PCMT1: variants seen among roughly 807,000 people sequenced by gnomAD.
PCMT1 encodes the protein protein-L-isoaspartate(D-aspartate) O-methyltransferase.
Under a neutral mutation model 29.2 loss-of-function variants are expected in PCMT1, and 9 were observed. That is an observed-to-expected ratio of 0.31 (90% CI 0.19 to 0.54). PCMT1 has a LOEUF of 0.54. Among genes scored for constraint, PCMT1 ranks in the 20% least tolerant of loss-of-function variants. The pLI is 0.95. For missense variants in PCMT1, 184 were observed against 282.2 expected (o/e 0.65, Z 2.49); for synonymous variants, 98 against 97.5 (o/e 1.00, Z -0.03).
chr6:149,783,193 C>T (rs1243203049), intron 3 of PCMT1, among the ~76,000 whole-genome samples: 6 of 151,904 alleles, frequency 3.9e-5, no homozygotes, highest in African/African-American at 1.4e-4. Flanking sequence ...GATGCAGTGG[C>T]GTGATCTTGG....
intron 3 of PCMT1, among the ~76,000 whole-genome samples, chr6:149,788,155 G>A (rs930504990): frequency 6.6e-6 from 1 of 151,412 alleles, no homozygotes; most frequent in Non-Finnish European, 1.5e-5. Context: ...CTGACCTCGT[G>A]ATCCGCCTCG....
chr6:149,766,853 A>G (rs1182127516), intron 1 of PCMT1, among the ~76,000 whole-genome samples: 1 of 152,122 alleles, frequency 6.6e-6, no homozygotes, highest in African/African-American at 2.4e-5. Context: ...CTTTTCTAGA[A>G]TGTGTTAAAA....
Position 149,781,269 on chromosome 6 carries a change from C to T in PCMT1, c.192+8100C>T, listed in dbSNP as rs370243773. ...TGAGACAGAGTCTCGCTCTGTCACC[C>T]GGGCTGGAGTGCAGTGGTGCCATCT... On this transcript the variant is annotated intron_variant, in intron 3 of 7. Coordinates refer to ENST00000464889, the MANE Select transcript of PCMT1 (RefSeq NM_001360452.2). Among the ~76,000 whole-genome samples, 95 of 150,182 alleles carry T rather than the reference C, an allele frequency of 6.3e-4. 3 individuals are homozygous for T. In the East Asian group the frequency reaches 0.017, roughly 27 times the overall value.
chr6:149,810,555 T>A, intron 7 of PCMT1, 61 bp from the exon 8 acceptor site: 1 of 1,342,632 alleles, frequency 7.4e-7, no homozygotes, highest in Non-Finnish European at 1.0e-6. Flanking sequence ...TAAACTATTA[T>A]AAAGCCAAAT....
chr6:149,809,162 G>A (rs1323258775), intron 7 of PCMT1, among the ~76,000 whole-genome samples: 2 of 147,260 alleles, frequency 1.4e-5, no homozygotes, highest in African/African-American at 5.1e-5. Context: ...GGGAGGCTGA[G>A]GCAGGAGAAT....
chr6:149,764,749 T>TA (rs1786999684), intron 1 of PCMT1, among the ~76,000 whole-genome samples: 1 of 151,300 alleles, frequency 6.6e-6, no homozygotes, highest in African/African-American at 2.4e-5. Context: ...CTTTAAAAAT[T>TA]AAAAAATGGG....
intron 7 of PCMT1, among the ~76,000 whole-genome samples, chr6:149,809,312 C>G (rs1008472906): frequency 7.1e-6 from 1 of 140,744 alleles, no homozygotes; most frequent in Non-Finnish European, 1.5e-5. Flanking sequence ...ATCTTCAGTT[C>G]ATATTCTAAA....
chr6:149,763,315 A>G (rs1285816457), intron 1 of PCMT1, among the ~76,000 whole-genome samples: 1 of 148,248 alleles, frequency 6.7e-6, no homozygotes, highest in Non-Finnish European at 1.5e-5. Context: ...TGATATATAT[A>G]TCATAGATTA....
At chr6:149,802,151 A>G (rs1775846756) in intron 6 of PCMT1, 49 bp from the exon 7 acceptor site, 1 of 1,325,954 alleles carries the variant, frequency 7.5e-7, no homozygotes, top group African/African-American at 1.5e-5. Context: ...ATAAAATAAA[A>G]TAAAATCTGT....
At chr6:149,758,592 A>C (rs1047383172) in intron 1 of PCMT1, among the ~76,000 whole-genome samples, 4 of 152,114 alleles carry the variant, frequency 2.6e-5, no homozygotes, top group Non-Finnish European at 5.9e-5. Flanking sequence ...CCAGCTACAG[A>C]AGTTTAACAT....
intron 1 of PCMT1, among the ~76,000 whole-genome samples, chr6:149,764,170 A>G (rs942862459): frequency 3.3e-5 from 5 of 152,356 alleles, no homozygotes; most frequent in East Asian, 3.9e-4. Context: ...AGTAGAACTC[A>G]CTAAGCTATT....
At chr6:149,787,855 A>G (rs1443620067) in intron 3 of PCMT1, among the ~76,000 whole-genome samples, 1 of 150,418 alleles carries the variant, frequency 6.6e-6, no homozygotes, top group African/African-American at 2.5e-5. Flanking sequence ...ATGTGTGTGT[A>G]TTATATTTCC....
At chr6:149,757,041 G>T (rs1786538309) in intron 1 of PCMT1, among the ~76,000 whole-genome samples, 1 of 152,028 alleles carries the variant, frequency 6.6e-6, no homozygotes, top group Non-Finnish European at 1.5e-5. Flanking sequence ...TATAATCCCA[G>T]CTACTCGGAG....
chr6:149,763,162 A>G (rs1786912032), intron 1 of PCMT1, among the ~76,000 whole-genome samples: 2 of 53,198 alleles, frequency 3.8e-5, no homozygotes, highest in Non-Finnish European at 5.4e-5. Flanking sequence ...ATATATATCT[A>G]TGATATCTAT....
chr6:149,757,084 G>T (rs1786540121), intron 1 of PCMT1, among the ~76,000 whole-genome samples: 1 of 152,164 alleles, frequency 6.6e-6, no homozygotes, highest in South Asian at 2.1e-4. Flanking sequence ...AACCCGGGGA[G>T]TGGAGTTTGC....
chr6:149,756,675 C>G (rs1786523809), intron 1 of PCMT1, among the ~76,000 whole-genome samples: 1 of 151,338 alleles, frequency 6.6e-6, no homozygotes, highest in Non-Finnish European at 1.5e-5. Context: ...AGCATTTACT[C>G]TTAATATTCC....
intron 1 of PCMT1, among the ~76,000 whole-genome samples, chr6:149,761,211 A>G (rs1446693438): frequency 6.6e-6 from 1 of 150,826 alleles, no homozygotes; most frequent in African/African-American, 2.4e-5. Context: ...TTTTATCACT[A>G]TGAAAGTAAA....
At chr6:149,796,392 A>T (rs1340304924) in intron 5 of PCMT1, 23 bp from the exon 6 acceptor site, 2 of 1,571,756 alleles carry the variant, frequency 1.3e-6, no homozygotes, top group South Asian at 2.2e-5. Flanking sequence ...CAGGTTTTTA[A>T]AGCATAGCTG....
intron 1 of PCMT1, among the ~76,000 whole-genome samples, chr6:149,765,960 C>G (rs911786917): frequency 2.1e-5 from 3 of 144,900 alleles, no homozygotes; most frequent in Non-Finnish European, 3.0e-5. Context: ...GAGTGAAACT[C>G]TGTCTCAAAA....
Sources: allele counts gnomAD v4.1 joint callset (sites outside exome capture counted in the v4.1 genomes callset), GRCh38; gene constraint gnomAD v4.1.1; transcripts MANE v1.5; gene names NCBI Gene and HGNC (gene_info 2026-07-23, HGNC 2026-07-21).